The following TBC1D22A variants were observed in gnomAD, a reference collection of about 807,000 sequenced individuals.
TBC1D22A encodes the protein putative GTPase activator.
TBC1D22A carries 38 observed loss-of-function variants against 60.2 expected under a neutral mutation model. The observed-to-expected ratio is 0.63, with a 90% CI of 0.49 to 0.83. TBC1D22A has a LOEUF of 0.83. Among genes scored for constraint, TBC1D22A ranks in the 40% least tolerant of loss-of-function variants. The pLI, the probability that TBC1D22A is intolerant of heterozygous loss-of-function variation, is 0.00. For synonymous variants in TBC1D22A, 302 were observed against 281.7 expected (o/e 1.07, Z -0.72); for missense variants, 628 against 701.0 (o/e 0.90, Z 1.18).
chr22:46,912,736 T>C (rs1435392610), intron 8 of TBC1D22A, among the ~76,000 whole-genome samples: 1 of 152,232 alleles, frequency 6.6e-6, no homozygotes, highest in African/African-American at 2.4e-5. Context: ...TTTGTATTTT[T>C]AGTAGAGACG....
At position 47,126,317 on chromosome 22, in the gene TBC1D22A, T is replaced by G. The variant is rs528863912; in HGVS notation, c.1425+14714T>G. On this transcript the variant is annotated intron_variant, in intron 12 of 12. Coordinates refer to ENST00000337137, the MANE Select transcript of TBC1D22A (RefSeq NM_014346.5). The stretch of plus-strand genomic sequence containing the variant: ...GTTTTTTAAGAAAGAGGGAGCCTTT[T>G]CAGGCCACCAGAAGACAGGGACGCC... 2.0e-5 allele frequency among the ~76,000 whole-genome samples: 3 copies of G among 152,340 alleles called. No individual in the cohort carries two copies. In the East Asian group the frequency reaches 5.8e-4, roughly 29 times the overall value.
intron 8 of TBC1D22A, among the ~76,000 whole-genome samples, chr22:46,951,548 C>G (rs373675024): frequency 6.6e-6 from 1 of 152,198 alleles, no homozygotes; most frequent in Non-Finnish European, 1.5e-5. Context: ...CTGTATTTCA[C>G]GCCAGTTAGG....
At position 47,157,551 on chromosome 22, in the gene TBC1D22A, C is replaced by T. The variant is rs868222084; in HGVS notation, c.1426-15947C>T. Among the ~76,000 whole-genome samples, 9 of 152,220 alleles carry T rather than the reference C, an allele frequency of 5.9e-5. No homozygotes were observed. In the South Asian group the frequency reaches 8.3e-4, roughly 14 times the overall value. On this transcript the variant is annotated intron_variant, in intron 12 of 12. Transcript: ENST00000337137. ...TGCCTACCCATTCTGCACCTGGCCT[C>T]GCAGGACGGCGGGTGCGCTGTGGTG...
At chr22:46,850,043 A>T (rs76563484) in intron 4 of TBC1D22A, among the ~76,000 whole-genome samples, 1,699 of 152,304 alleles carry the variant, frequency 0.011, 29 homozygotes, top group African/African-American at 0.039. Context: ...ATTTGTGGAG[A>T]CATAGCCCTT....
chr22:47,076,620 A>G (rs1418363052), intron 11 of TBC1D22A, among the ~76,000 whole-genome samples: 3 of 152,088 alleles, frequency 2.0e-5, no homozygotes, highest in East Asian at 3.9e-4. Flanking sequence ...GGACTGGTTT[A>G]TCTCCTGCAT....
At chr22:46,849,486 A>G (rs762740204) in intron 4 of TBC1D22A, among the ~76,000 whole-genome samples, 3 of 152,184 alleles carry the variant, frequency 2.0e-5, no homozygotes, top group Non-Finnish European at 2.9e-5. Flanking sequence ...AGTCTCTGTC[A>G]TCTTTATTAG....
intron 11 of TBC1D22A, among the ~76,000 whole-genome samples, chr22:47,060,704 G>A (rs1014498975): frequency 5.3e-5 from 8 of 152,178 alleles, no homozygotes; most frequent in Non-Finnish European, 1.2e-4. Context: ...TTTGGGAGAA[G>A]TTGGTGATGG....
chr22:47,009,975 T>C lies in TBC1D22A; in HGVS notation c.1201+12266T>C, dbSNP rs1377536497. ...ACCGAGGTGACAGTGGCCATTGTTATTAGTCATATCTTACACTTTCACCTA... is the reference window on the plus strand; with the variant it reads ...ACCGAGGTGACAGTGGCCATTGTTACTAGTCATATCTTACACTTTCACCTA... On this transcript the variant is annotated intron_variant, in intron 10 of 12. Coordinates refer to ENST00000337137, the MANE Select transcript of TBC1D22A (RefSeq NM_014346.5). This position sits in a 1 kb window ranked among gnomAD's most constrained non-coding sequence, Gnocchi z 5.8. Among the ~76,000 whole-genome samples, 1 of 152,248 alleles carries C rather than the reference T, an allele frequency of 6.6e-6. No individual in the cohort carries two copies. The highest frequency in any genetic ancestry group is 1.5e-5 in the Non-Finnish European group (1 of 68,042).
At chr22:46,899,942 G>C (rs553888779) in intron 7 of TBC1D22A, among the ~76,000 whole-genome samples, 1 of 152,018 alleles carries the variant, frequency 6.6e-6, no homozygotes, top group African/African-American at 2.4e-5. Flanking sequence ...GATTTCTGCC[G>C]TAAGCATCCC....
chr22:47,052,703 G>A (rs77416378), intron 11 of TBC1D22A, among the ~76,000 whole-genome samples: 2,990 of 152,268 alleles, frequency 0.02, 99 homozygotes, highest in African/African-American at 0.064. Flanking sequence ...GACTCCTGTC[G>A]GCCACACACA....
In TBC1D22A at chr22:46,812,096, C is replaced by G. The variant is rs558990284; in HGVS notation, c.637+14476C>G. On this transcript the variant is annotated intron_variant, in intron 4 of 12. Coordinates refer to ENST00000337137, the MANE Select transcript of TBC1D22A (RefSeq NM_014346.5). ...AGGGATTGGAATGATCAGAGCTGTG[C>G]TTTGGGGAGGTTAATCGGGCTTCTG... is the stretch of plus-strand genomic sequence containing the variant. 4.7e-4 allele frequency among the ~76,000 whole-genome samples: 71 copies of G among 152,260 alleles called. 1 individual carries two copies. The highest frequency in any genetic ancestry group is 6.6e-4 in the Non-Finnish European group (45 of 68,016).
At chr22:46,853,520 G>A (rs148952635) in intron 4 of TBC1D22A, among the ~76,000 whole-genome samples, 1 of 152,174 alleles carries the variant, frequency 6.6e-6, no homozygotes, top group Non-Finnish European at 1.5e-5. Context: ...TAGAGGATCA[G>A]CGTGAGGGAG....
intron 11 of TBC1D22A, among the ~76,000 whole-genome samples, chr22:47,068,512 G>C (rs1310438076): frequency 1.3e-5 from 2 of 152,204 alleles, no homozygotes; most frequent in Non-Finnish European, 2.9e-5. Context: ...TTTCATATAA[G>C]TTCTTTCTGT....
intron 4 of TBC1D22A, among the ~76,000 whole-genome samples, chr22:46,829,719 T>A (rs1201059867): frequency 6.6e-6 from 1 of 152,240 alleles, no homozygotes; most frequent in Non-Finnish European, 1.5e-5. Flanking sequence ...GGCGTTTCTA[T>A]GCCTCCAAAA....
rs1343664602 is a variant in TBC1D22A, at chr22:47,028,104, A to G, written c.1202-8967A>G. On this transcript the variant is annotated intron_variant, in intron 10 of 12. Coordinates refer to ENST00000337137, the MANE Select transcript of TBC1D22A (RefSeq NM_014346.5). This position sits in a 1 kb window ranked among gnomAD's most constrained non-coding sequence, Gnocchi z 4.4. ...GCTCGTGTGCACGTCTGTGAGGTGA[A>G]AATGATTTAATACCTTGTTGCTTCA... is the stretch of plus-strand genomic sequence containing the variant. Among the ~76,000 whole-genome samples the G allele has an allele frequency of 6.6e-6, 1 of 152,202 alleles. No homozygotes were observed. Among genetic ancestry groups the G allele is most frequent in the African/African-American group, 2.4e-5 (1 of 41,446 alleles).
chr22:46,922,284 C>G (rs1301044405), intron 8 of TBC1D22A, among the ~76,000 whole-genome samples: 1 of 152,120 alleles, frequency 6.6e-6, no homozygotes, highest in Non-Finnish European at 1.5e-5. Context: ...CAGTGCCATG[C>G]TGTTTTTGTT....
chr22:46,940,696 A>G (rs975539395), intron 8 of TBC1D22A, among the ~76,000 whole-genome samples: 4 of 143,810 alleles, frequency 2.8e-5, no homozygotes, highest in Admixed American at 2.1e-4. Context: ...ATATATATAT[A>G]TATGTGTGTA....
At chr22:47,026,294 A>T (rs1393629327) in intron 10 of TBC1D22A, among the ~76,000 whole-genome samples, 1 of 152,234 alleles carries the variant, frequency 6.6e-6, no homozygotes, top group Non-Finnish European at 1.5e-5. Context: ...GGAGGGTGTC[A>T]ATGGAAAGCT....
chr22:46,989,707 A>G (rs1468637050), intron 9 of TBC1D22A, among the ~76,000 whole-genome samples: 6 of 152,042 alleles, frequency 3.9e-5, no homozygotes, highest in Non-Finnish European at 2.9e-5. Context: ...CCCATAAAAG[A>G]TCATAATGAA....
Sources: allele counts gnomAD v4.1 joint callset (sites outside exome capture counted in the v4.1 genomes callset), GRCh38; gene constraint gnomAD v4.1.1; non-coding constraint Gnocchi (gnomAD v3.1); transcripts MANE v1.5; gene names NCBI Gene and HGNC (gene_info 2026-07-23, HGNC 2026-07-21).